IL17D: variants seen among roughly 807,000 people sequenced by gnomAD.
IL17D encodes interleukin 17D.
A neutral mutation model predicts 5.7 loss-of-function variants in IL17D; 10 were observed. That is an observed-to-expected ratio of 1.75 (90% CI 1.08 to 2.97). The LOEUF is 2.97. Ranked by LOEUF, IL17D falls within the 30% of genes most tolerant of loss-of-function variation. The probability of loss-of-function intolerance (pLI) is 0.00; values close to 1 mark genes in which losing one functional copy is unlikely to be tolerated. For missense variants in IL17D, 354 were observed against 292.7 expected (o/e 1.21, Z -1.53); for synonymous variants, 172 against 141.7 (o/e 1.21, Z -1.52).
intron 1 of IL17D, among the ~76,000 whole-genome samples, chr13:20,707,776 C>T (rs1197819318): frequency 6.6e-6 from 1 of 152,240 alleles, no homozygotes; most frequent in African/African-American, 2.4e-5. Context: ...CCTCCTGTCT[C>T]AGCCTCTCAT....
chr13:20,718,632 G>GC (rs1390095763), intron 1 of IL17D, among the ~76,000 whole-genome samples: 2 of 65,470 alleles, frequency 3.1e-5, no homozygotes, highest in South Asian at 6.3e-4. Flanking sequence ...CCACACACAG[G>GC]CCCACGCTCA....
At chr13:20,710,921 A>G (rs755586964) in intron 1 of IL17D, among the ~76,000 whole-genome samples, 6 of 152,158 alleles carry the variant, frequency 3.9e-5, no homozygotes. Flanking sequence ...GGAGTGTCCT[A>G]GGCTATTTTC....
intron 1 of IL17D, chr13:20,717,165 C>T (rs995618412): frequency 1.3e-5 from 2 of 152,256 alleles, no homozygotes; most frequent in Non-Finnish European, 2.9e-5. Context: ...AGCCGGGCCA[C>T]CTGTCACTCG....
chr13:20,710,886 G>A (rs762217121), intron 1 of IL17D, among the ~76,000 whole-genome samples: 21 of 152,090 alleles, frequency 1.4e-4, no homozygotes, highest in African/African-American at 2.7e-4. Flanking sequence ...AGCTGTAGTC[G>A]GGAGGTAAAC....
chr13:20,706,758 C>G (rs978685919), intron 1 of IL17D, among the ~76,000 whole-genome samples: 16 of 152,288 alleles, frequency 1.1e-4, no homozygotes, highest in Non-Finnish European at 2.1e-4. Context: ...ACAGATGACA[C>G]CTATGTCGCC....
In IL17D at chr13:20,716,837, C is replaced by T. The variant is rs1353668030; in HGVS notation, c.291-4799C>T. On this transcript the variant is annotated intron_variant, in intron 1 of 1. Coordinates refer to ENST00000682841, the MANE Select transcript of IL17D (RefSeq NM_001385224.1). This position sits in a 1 kb window ranked among gnomAD's most constrained non-coding sequence, Gnocchi z 4.2. Reference sequence around the variant, plus strand: ...TTTCAACTGCTGTGAGATAAACAGTCATCCTGAGCCCCTGCTGCTCTGAAA... The same window carrying T: ...TTTCAACTGCTGTGAGATAAACAGTTATCCTGAGCCCCTGCTGCTCTGAAA... Among the ~76,000 whole-genome samples the T allele has an allele frequency of 1.3e-5, 2 of 152,204 alleles. No homozygotes were observed. Among genetic ancestry groups the T allele is most frequent in the Non-Finnish European group, 1.5e-5 (1 of 68,034 alleles).
chr13:20,712,015 T>G (rs1009729126), intron 1 of IL17D, among the ~76,000 whole-genome samples: 1 of 152,212 alleles, frequency 6.6e-6, no homozygotes, highest in African/African-American at 2.4e-5. Context: ...GCGACCTGTT[T>G]CCCATGTGGG....
Position 20,703,972 on chromosome 13 carries a change from C to T in IL17D, c.-30C>T. On this transcript the variant is annotated 5_prime_UTR_variant, in exon 1 of 2. It adds an upstream start codon to the 5' untranslated region. Coordinates refer to ENST00000682841, the MANE Select transcript of IL17D (RefSeq NM_001385224.1). The stretch of plus-strand genomic sequence containing the variant: ...GGCGGGCTCCTCCGGCGCGTGCGGA[C>T]GCTGAGCGTGGCCTGTCCCTCAGGT... 2 of 1,002,332 alleles carry T rather than the reference C, an allele frequency of 2.0e-6. No homozygotes were observed. Among genetic ancestry groups the T allele is most frequent in the Non-Finnish European group, 2.4e-6 (2 of 842,492 alleles). The allele number at this position is 1,002,332 out of a possible 1,614,324, so 62.1% of individuals were successfully genotyped here.
Position 20,704,143 on chromosome 13 carries a change from G to T in IL17D, c.142G>T (p.Ala48Ser), listed in dbSNP as rs1335781516. 2.3e-5 allele frequency: 31 copies of T among 1,346,738 alleles called. No individual in the cohort carries two copies. The highest frequency in any genetic ancestry group is 2.8e-4 in the Middle Eastern group (1 of 3,526). The allele number at this position is 1,346,738 out of a possible 1,614,324, so 83.4% of individuals were successfully genotyped here. A position where few individuals can be genotyped will look rare whatever the true frequency, so the allele number is the denominator to read the frequency against. ...LLEQLYGRLA[A>S]GVLSAFHHTL... is the part of the protein sequence containing the mutation. Reference sequence around the variant, plus strand: ...GGAGCAGCTGTACGGGCGCCTGGCGGCCGGCGTGCTCAGTGCCTTCCACCA... The same window carrying T: ...GGAGCAGCTGTACGGGCGCCTGGCGTCCGGCGTGCTCAGTGCCTTCCACCA... Residue 48 changes from alanine (A) to serine (S), a missense_variant, in exon 1 of 2, where the codon GCC becomes TCC. Coordinates refer to ENST00000682841, the MANE Select transcript of IL17D (RefSeq NM_001385224.1).
At chr13:20,711,264 CAAAAAAAGAA>C in intron 1 of IL17D, among the ~76,000 whole-genome samples, 1 of 125,754 alleles carries the variant, frequency 8.0e-6, no homozygotes, top group Admixed American at 9.2e-5. Flanking sequence ...AACTCTGTCT[CAAAAAAAGAA>C]AAAAAAAAGT....
rs1490707696 is a variant in IL17D at position 20,722,006 on chromosome 13, G to A, written c.*52G>A. On this transcript the variant is annotated 3_prime_UTR_variant, in exon 2 of 2. Coordinates refer to ENST00000682841, the MANE Select transcript of IL17D (RefSeq NM_001385224.1). ...CCGGCCCGCATCCCGAGGCGCCCAA[G>A]CTGGAGCCGCCTGGAGGGCTCGGTC... 3 of 1,459,464 alleles carry A rather than the reference G, an allele frequency of 2.1e-6. No homozygotes were observed. The highest frequency in any genetic ancestry group is 2.7e-6 in the Non-Finnish European group (3 of 1,099,514). The allele number at this position is 1,459,464 out of a possible 1,614,324, so 90.4% of individuals were successfully genotyped here.
rs1460366948 is a variant in IL17D at position 20,704,205 on chromosome 13, C to T, written c.204C>T (p.Asn68=). The T allele has an allele frequency of 2.0e-5, 27 of 1,371,826 alleles. No homozygotes were observed. Among genetic ancestry groups the T allele is most frequent in the Non-Finnish European group, 2.6e-5 (27 of 1,057,484 alleles). The allele number at this position is 1,371,826 out of a possible 1,614,324, so 85.0% of individuals were successfully genotyped here. A position where few individuals can be genotyped will look rare whatever the true frequency, so the allele number is the denominator to read the frequency against. The change falls in exon 1 of 2, where the codon AAC becomes AAT. Residue 68 remains asparagine (N), a synonymous_variant. Coordinates refer to ENST00000682841, the MANE Select transcript of IL17D (RefSeq NM_001385224.1). ...TGGGGCCGCGTGAGCAGGCGCGCAACGCGAGCTGCCCGGCAGGGGGCAGGC... is the reference window on the plus strand; with the variant it reads ...TGGGGCCGCGTGAGCAGGCGCGCAATGCGAGCTGCCCGGCAGGGGGCAGGC... ...LQLGPREQAR[N]ASCPAGGRPA...
At chr13:20,711,494 A>G (rs2058637402) in intron 1 of IL17D, among the ~76,000 whole-genome samples, 1 of 152,168 alleles carries the variant, frequency 6.6e-6, no homozygotes, top group South Asian at 2.1e-4. Context: ...CACTGTTACC[A>G]TGGCAACTGA....
At chr13:20,702,986 T>C (rs1190680553), upstream of IL17D, 1 of 152,280 alleles carries the variant, frequency 6.6e-6, no homozygotes, top group Non-Finnish European at 1.5e-5. Flanking sequence ...CTTTCCTTAA[T>C]AGAGAAATCT....
At chr13:20,718,122 T>C (rs1458943321) in intron 1 of IL17D, among the ~76,000 whole-genome samples, 1 of 152,088 alleles carries the variant, frequency 6.6e-6, no homozygotes, top group African/African-American at 2.4e-5. Context: ...CGCCCGCCTT[T>C]GGTTTTCCTG....
rs557680874 is a variant in IL17D, at chr13:20,708,234, G to T, written c.290+3943G>T. 2.0e-5 allele frequency among the ~76,000 whole-genome samples: 3 copies of T among 152,346 alleles called. No homozygotes were observed. The East Asian group carries it at 5.8e-4, about 29-fold the overall frequency. ...TAAAGGCACAGCAGTCAGAGAGAAT[G>T]CTGAGAAAGACAGATAGGGAGATGG... On this transcript the variant is annotated intron_variant, in intron 1 of 1. Coordinates refer to ENST00000682841, the MANE Select transcript of IL17D (RefSeq NM_001385224.1).
intron 1 of IL17D, among the ~76,000 whole-genome samples, chr13:20,704,878 C>T (rs2058578850): frequency 6.6e-6 from 1 of 152,096 alleles, no homozygotes; most frequent in Non-Finnish European, 1.5e-5. Flanking sequence ...CCCTGGGAAG[C>T]GCCCTCTGAG....
Position 20,706,706 on chromosome 13 carries a change from T to G in IL17D, c.290+2415T>G, listed in dbSNP as rs576813807. On this transcript the variant is annotated intron_variant, in intron 1 of 1. Coordinates refer to ENST00000682841, the MANE Select transcript of IL17D (RefSeq NM_001385224.1). ...AGGACACATGGAGAGTTAGCAGCAC[T>G]GGCATTCTGTGTGTGGGAAGTTAAA... Among the ~76,000 whole-genome samples, 3 of 152,368 alleles carry G rather than the reference T, an allele frequency of 2.0e-5. No individual in the cohort carries two copies. The South Asian group carries it at 6.2e-4, about 32-fold the overall frequency.
At chr13:20,721,568 C>T in intron 1 of IL17D, 68 bp from the exon 2 acceptor site, 2 of 1,394,328 alleles carry the variant, frequency 1.4e-6, no homozygotes, top group Non-Finnish European at 2.0e-6. Context: ...GTGACTCTAA[C>T]CAGGGATTTC....
Sources: gnomAD v4.1 joint callset for allele counts (sites outside exome capture counted in the v4.1 genomes callset) on GRCh38, gnomAD v4.1.1 for gene constraint, Gnocchi (gnomAD v3.1) non-coding constraint, MANE v1.5 for transcripts, NCBI Gene and HGNC (gene_info 2026-07-23, HGNC 2026-07-21) for gene names.